Variants in LRP1B observed in about 807,000 individuals in gnomAD.
LRP1B encodes the protein LDL receptor related protein 1B.
A neutral mutation model predicts 556.6 loss-of-function variants in LRP1B; 217 were observed. The observed-to-expected ratio is 0.39, with a 90% CI of 0.35 to 0.44. The LOEUF (loss-of-function observed/expected upper bound fraction) is 0.44. LRP1B is among the 20% of genes least tolerant of loss of function. The pLI is 1.00. For missense variants in LRP1B, 5,053 were observed against 5,620.8 expected (o/e 0.90, Z 3.23); for synonymous variants, 2,047 against 1,865.8 (o/e 1.10, Z -2.50).
intron 43 of LRP1B, among the ~76,000 whole-genome samples, chr2:140,575,123 C>A (rs1159314443): frequency 6.6e-6 from 1 of 152,036 alleles, no homozygotes. Context: ...TGTGATCCTG[C>A]GATGAACTCA....
At chr2:140,528,647 T>C (rs1005209301) in intron 47 of LRP1B, among the ~76,000 whole-genome samples, 4 of 151,838 alleles carry the variant, frequency 2.6e-5, no homozygotes, top group Non-Finnish European at 5.9e-5. Flanking sequence ...TGGTGTAGGG[T>C]TTGAGAACCA....
intron 19 of LRP1B, among the ~76,000 whole-genome samples, 171 bp from the exon 20 acceptor site, chr2:140,950,573 T>G (rs1695684096): frequency 6.6e-6 from 1 of 152,094 alleles, no homozygotes; most frequent in African/African-American, 2.4e-5. Context: ...AACTTTCACC[T>G]CCTGGGGCTC....
chr2:140,632,924 G>A (rs1047241825), intron 41 of LRP1B, among the ~76,000 whole-genome samples: 6 of 151,918 alleles, frequency 3.9e-5, no homozygotes, highest in Non-Finnish European at 2.9e-5. Context: ...TTAGCCTGGC[G>A]TGATGGCAGG....
chr2:140,644,203 T>G (rs1008578415), intron 41 of LRP1B, among the ~76,000 whole-genome samples: 1 of 152,194 alleles, frequency 6.6e-6, no homozygotes, highest in Non-Finnish European at 1.5e-5. Context: ...CTGTACACAC[T>G]TGATTATATA....
At chr2:140,835,804 G>T (rs1301192613) in intron 31 of LRP1B, among the ~76,000 whole-genome samples, 1 of 152,096 alleles carries the variant, frequency 6.6e-6, no homozygotes, top group Non-Finnish European at 1.5e-5. Flanking sequence ...CTCCCAAAAT[G>T]CTGGGATTAC....
intron 81 of LRP1B, among the ~76,000 whole-genome samples, chr2:140,323,435 T>C (rs554897644): frequency 6.6e-6 from 1 of 151,978 alleles, no homozygotes; most frequent in African/African-American, 2.4e-5. Flanking sequence ...TCAAAATGGC[T>C]AACAATAAAT....
intron 1 of LRP1B, among the ~76,000 whole-genome samples, chr2:142,000,104 C>T (rs555741208): frequency 6.6e-6 from 1 of 151,620 alleles, no homozygotes; most frequent in African/African-American, 2.4e-5. Flanking sequence ...TATTTAAGAA[C>T]TTAAAACTAT....
At chr2:142,127,384 A>ATCCATCCG (rs1208832008) in intron 1 of LRP1B, among the ~76,000 whole-genome samples, 32 of 151,744 alleles carry the variant, frequency 2.1e-4, no homozygotes, top group African/African-American at 7.5e-4. Context: ...CCATCCATCC[A>ATCCATCCG]TCCATCCATC....
intron 1 of LRP1B, among the ~76,000 whole-genome samples, chr2:142,104,967 T>A (rs1706695399): frequency 6.6e-6 from 1 of 152,136 alleles, no homozygotes; most frequent in African/African-American, 2.4e-5. Flanking sequence ...ACATCAGATA[T>A]AGAAATGAAA....
At chr2:140,689,576 C>T (rs1686166159) in intron 41 of LRP1B, among the ~76,000 whole-genome samples, 1 of 152,110 alleles carries the variant, frequency 6.6e-6, no homozygotes, top group Non-Finnish European at 1.5e-5. Context: ...CCTCAGTATC[C>T]CCAGCCTCCT....
chr2:142,003,202 A>C (rs1702707347), intron 1 of LRP1B, among the ~76,000 whole-genome samples: 1 of 152,262 alleles, frequency 6.6e-6, no homozygotes, highest in Admixed American at 6.5e-5. Context: ...TTTACTGAAC[A>C]CTTACCATAT....
chr2:141,814,211 G>A (rs1696455894), intron 1 of LRP1B, among the ~76,000 whole-genome samples: 1 of 152,178 alleles, frequency 6.6e-6, no homozygotes, highest in Admixed American at 6.6e-5. Flanking sequence ...AATGTGCCCA[G>A]AAAAGTAGTC....
chr2:141,724,483 C>T (rs1007862333), intron 2 of LRP1B, among the ~76,000 whole-genome samples: 1 of 151,734 alleles, frequency 6.6e-6, no homozygotes, highest in Non-Finnish European at 1.5e-5. Flanking sequence ...TATATTTCTT[C>T]AACATTTATC....
chr2:141,381,313 G>T (rs1689633645), intron 3 of LRP1B, among the ~76,000 whole-genome samples: 2 of 151,056 alleles, frequency 1.3e-5, no homozygotes, highest in Non-Finnish European at 2.9e-5. Context: ...CAGGAGAAAG[G>T]ATCAGTTAAC....
chr2:141,499,526 T>G (rs1462834785), intron 2 of LRP1B, among the ~76,000 whole-genome samples: 1 of 152,074 alleles, frequency 6.6e-6, no homozygotes, highest in African/African-American at 2.4e-5. Flanking sequence ...TTTTAACTCT[T>G]TCCACATCCT....
At chr2:141,177,892 C>T (rs1680806296) in intron 7 of LRP1B, among the ~76,000 whole-genome samples, 1 of 152,050 alleles carries the variant, frequency 6.6e-6, no homozygotes, top group African/African-American at 2.4e-5. Flanking sequence ...ATTTGTTTTA[C>T]TCTGAAACAT....
chr2:141,080,501 A>G (rs1242585382), intron 7 of LRP1B, among the ~76,000 whole-genome samples: 1 of 152,190 alleles, frequency 6.6e-6, no homozygotes, highest in Admixed American at 6.5e-5. Flanking sequence ...TAACCTTGAC[A>G]TTACGACTTA....
intron 86 of LRP1B, among the ~76,000 whole-genome samples, chr2:140,254,088 C>G (rs544956613): frequency 5.9e-5 from 9 of 152,210 alleles, no homozygotes; most frequent in African/African-American, 1.9e-4. Flanking sequence ...AAAAACCCAA[C>G]AAAGGCCCTT....
chr2:141,575,811 A>G (rs1414817255), intron 2 of LRP1B, among the ~76,000 whole-genome samples: 1 of 152,174 alleles, frequency 6.6e-6, no homozygotes, highest in Admixed American at 6.5e-5. Flanking sequence ...ACACTTCTCA[A>G]AAGAAGATAT....
Sources: allele counts gnomAD v4.1 joint callset (sites outside exome capture counted in the v4.1 genomes callset), GRCh38; gene constraint gnomAD v4.1.1; transcripts MANE v1.5; gene names NCBI Gene and HGNC (gene_info 2026-07-23, HGNC 2026-07-21).